The following COL4A5 variants were observed in gnomAD, a reference collection of about 807,000 sequenced individuals.
The protein encoded by COL4A5 is collagen type IV alpha 5 chain, also known as collagen alpha-5(IV) chain.
COL4A5 carries 26 observed loss-of-function variants against 130.2 expected under a neutral mutation model. The ratio of observed to expected loss-of-function variants is 0.20; its 90% confidence interval spans 0.15 to 0.28. COL4A5 has a LOEUF of 0.28. Ranked by LOEUF, COL4A5 falls within the 10% of genes least tolerant of loss-of-function variation. COL4A5 has a pLI of 1.00. For missense variants in COL4A5, 1,131 were observed against 1,344.3 expected (o/e 0.84, Z 2.48); for synonymous variants, 496 against 439.6 (o/e 1.13, Z -1.60).
chrX:108,482,597 G>C (rs1338341344), intron 1 of COL4A5, among the ~76,000 whole-genome samples: 1 of 111,577 alleles, frequency 9.0e-6, no homozygotes, highest in Non-Finnish European at 1.9e-5. Context: ...CCAAGTTGCA[G>C]GGTCCCATTA....
At chrX:108,608,245 C>G (rs372872654) in intron 29 of COL4A5, among the ~76,000 whole-genome samples, 1 of 111,081 alleles carries the variant, frequency 9.0e-6, no homozygotes, top group East Asian at 2.8e-4. Flanking sequence ...TTTTGCTAAC[C>G]TGATGAAGTA....
chrX:108,440,270 TTG>T, intron 1 of COL4A5, 64 bp downstream of exon 1: 1 of 783,515 alleles, frequency 1.3e-6, no homozygotes, highest in Non-Finnish European at 1.9e-6. Context: ...TACCTTTTTT[TTG>T]GGGGGGGGGT....
At chrX:108,652,899 C>T (rs1000369101) in intron 36 of COL4A5, among the ~76,000 whole-genome samples, 2 of 111,728 alleles carry the variant, frequency 1.8e-5, no homozygotes, top group Non-Finnish European at 3.8e-5. Context: ...TATATCAAAG[C>T]TTGACATTAG....
intron 37 of COL4A5, among the ~76,000 whole-genome samples, chrX:108,663,927 C>T (rs1440979641): frequency 4.5e-5 from 5 of 111,836 alleles, no homozygotes; most frequent in East Asian, 2.8e-4. Context: ...TGGCTCACCC[C>T]TGTAATCCCA....
chrX:108,599,457 A>ATGTG (rs112135923), intron 25 of COL4A5, among the ~76,000 whole-genome samples: 8,088 of 106,520 alleles, frequency 0.076, 671 homozygotes, highest in African/African-American at 0.24. Context: ...ATGTATGTTT[A>ATGTG]TGTGTGTGTG....
At chrX:108,619,504 A>G (rs969798728) in intron 30 of COL4A5, among the ~76,000 whole-genome samples, 1 of 111,485 alleles carries the variant, frequency 9.0e-6, no homozygotes, top group East Asian at 2.8e-4. Context: ...CTCTTTTTTA[A>G]CCACCTTGCT....
chrX:108,650,410 A>G (rs1226031254), intron 36 of COL4A5, among the ~76,000 whole-genome samples: 2 of 111,509 alleles, frequency 1.8e-5, no homozygotes, highest in Admixed American at 9.5e-5. Context: ...TGATCCAGCA[A>G]TCCCACTACT....
chrX:108,498,160 G>C (rs1033396969), intron 1 of COL4A5, among the ~76,000 whole-genome samples: 3 of 111,705 alleles, frequency 2.7e-5, no homozygotes, highest in African/African-American at 9.7e-5. Context: ...CTTTGATCTT[G>C]AAGTAATTTT....
At chrX:108,589,638 G>A (rs1335086531) in intron 19 of COL4A5, among the ~76,000 whole-genome samples, 1 of 111,508 alleles carries the variant, frequency 9.0e-6, no homozygotes, top group Non-Finnish European at 1.9e-5. Flanking sequence ...TTCTAATATA[G>A]TATGAAATAT....
chrX:108,680,811 C>T (rs2068412232), intron 45 of COL4A5, 60 bp downstream of exon 45: 2 of 1,184,803 alleles, frequency 1.7e-6, no homozygotes. Flanking sequence ...ACAAGATAGC[C>T]ATTTTCTGAT....
At chrX:108,638,353 G>A (rs1214905151) in intron 36 of COL4A5, among the ~76,000 whole-genome samples, 1 of 110,147 alleles carries the variant, frequency 9.1e-6, no homozygotes, top group African/African-American at 3.3e-5. Flanking sequence ...GCAAAAAAAA[G>A]CATTTGACAA....
intron 2 of COL4A5, among the ~76,000 whole-genome samples, chrX:108,546,173 C>T (rs978255618): frequency 1.8e-5 from 2 of 111,796 alleles, no homozygotes; most frequent in African/African-American, 6.5e-5. Flanking sequence ...GGTTATTTTG[C>T]TCGTTAGTTG....
intron 36 of COL4A5, among the ~76,000 whole-genome samples, chrX:108,640,378 G>C (rs2067439011): frequency 9.0e-6 from 1 of 111,301 alleles, no homozygotes; most frequent in African/African-American, 3.3e-5. Context: ...AATTGCTCAG[G>C]GTTGGGGGAG....
Position 108,586,731 on chromosome X carries a change from C to G in COL4A5, c.1149C>G (p.Gly383=). ...RGFPGIQGPP[G]LPGPPGAAVM... is the part of the protein sequence containing the mutation. ...TTCCTGGAATACAGGGTCCACCTGG[C>G]CTTCCTGGACCTCCAGGTAAATGAG... Residue 383 remains glycine, a synonymous_variant, in exon 19 of 53, where the codon GGC becomes GGG. Coordinates refer to ENST00000328300, the MANE Select transcript of COL4A5 (RefSeq NM_033380.3). 8.3e-7 allele frequency: 1 copy of G among 1,209,585 alleles called. No individual in the cohort carries two copies. Among genetic ancestry groups the G allele is most frequent in the Non-Finnish European group, 1.1e-6 (1 of 893,905 alleles).
chrX:108,463,325 A>G (rs1182005359), intron 1 of COL4A5, among the ~76,000 whole-genome samples: 1 of 111,724 alleles, frequency 9.0e-6, no homozygotes, highest in Admixed American at 9.5e-5. Context: ...AATAAAATCA[A>G]ATTTCTATTA....
chrX:108,558,910 T>C, intron 2 of COL4A5, among the ~76,000 whole-genome samples, 154 bp from the exon 3 acceptor site: 1 of 112,732 alleles, frequency 8.9e-6, no homozygotes, highest in African/African-American at 3.2e-5. Context: ...CCCCACATCT[T>C]AACAGGTTTT....
intron 12 of COL4A5, 67 bp downstream of exon 12, chrX:108,578,186 C>G (rs2066185711): frequency 1.8e-6 from 2 of 1,141,896 alleles, no homozygotes; most frequent in Non-Finnish European, 2.4e-6. Context: ...TTTGAACTGT[C>G]TTTTTCTTTC....
At chrX:108,598,139 C>T (rs903078921) in intron 24 of COL4A5, among the ~76,000 whole-genome samples, 3 of 110,370 alleles carry the variant, frequency 2.7e-5, no homozygotes, top group East Asian at 2.8e-4. Flanking sequence ...TGCAGTGAGC[C>T]GAGATTGCAC....
chrX:108,528,147 G>A (rs1325595671), intron 1 of COL4A5, among the ~76,000 whole-genome samples: 3 of 111,714 alleles, frequency 2.7e-5, no homozygotes, highest in African/African-American at 6.5e-5. Context: ...CAGCCCACTG[G>A]TGCCACCACC....
Sources: allele counts gnomAD v4.1 joint callset (sites outside exome capture counted in the v4.1 genomes callset), GRCh38; gene constraint gnomAD v4.1.1; transcripts MANE v1.5; gene names NCBI Gene and HGNC (gene_info 2026-07-23, HGNC 2026-07-21).